The following CCDC15 variants were observed in gnomAD, a reference collection of about 807,000 sequenced individuals.
The protein encoded by CCDC15 is coiled-coil domain containing 15, also known as coiled-coil domain-containing protein 15.
CCDC15 carries 105 observed loss-of-function variants against 114.5 expected under a neutral mutation model. The observed-to-expected ratio is 0.92, with a 90% CI of 0.78 to 1.08. The LOEUF is 1.08. Ranked by LOEUF, CCDC15 falls within the 50% of genes least tolerant of loss-of-function variation. The probability of loss-of-function intolerance (pLI) is 0.00; values close to 1 mark genes in which losing one functional copy is unlikely to be tolerated. For synonymous variants in CCDC15, 334 were observed against 377.8 expected, an observed-to-expected ratio of 0.88 and a Z score of 1.34; for missense variants, 1,105 against 1,093.6, an observed-to-expected ratio of 1.01 and a Z score of -0.15.
chr11:125,027,599 T>A (rs1407707276), intron 13 of CCDC15, among the ~76,000 whole-genome samples: 1 of 151,998 alleles, frequency 6.6e-6, no homozygotes, highest in Non-Finnish European at 1.5e-5. Context: ...TGTTTTTTTT[T>A]TCATACTGAT....
intron 13 of CCDC15, among the ~76,000 whole-genome samples, chr11:125,023,993 A>G (rs899542242): frequency 6.6e-6 from 1 of 151,980 alleles, no homozygotes; most frequent in Non-Finnish European, 1.5e-5. Flanking sequence ...GCTAATAAGT[A>G]TAAGGTTTCT....
At chr11:125,018,524 C>A (rs895927713) in intron 13 of CCDC15, among the ~76,000 whole-genome samples, 1 of 151,994 alleles carries the variant, frequency 6.6e-6, no homozygotes, top group Non-Finnish European at 1.5e-5. Flanking sequence ...TAATACAGCA[C>A]GTGGTTAAGA....
At chr11:125,030,736 G>A (rs914251943) in intron 13 of CCDC15, among the ~76,000 whole-genome samples, 3 of 152,166 alleles carry the variant, frequency 2.0e-5, no homozygotes, top group African/African-American at 7.2e-5. Context: ...TTGGTGAGTG[G>A]CAGTCCATGT....
intron 13 of CCDC15, among the ~76,000 whole-genome samples, chr11:125,012,358 T>G (rs1482670104): frequency 6.6e-6 from 1 of 152,242 alleles, no homozygotes; most frequent in Non-Finnish European, 1.5e-5. Flanking sequence ...TCTGCATTTA[T>G]TCAGAAAACA....
chr11:125,003,555 C>A (rs1038385166), intron 11 of CCDC15, among the ~76,000 whole-genome samples: 8 of 151,896 alleles, frequency 5.3e-5, no homozygotes, highest in African/African-American at 1.9e-4. Context: ...CTATTCCAAG[C>A]GCACTCATGA....
intron 11 of CCDC15, among the ~76,000 whole-genome samples, chr11:125,000,996 A>G (rs1948471274): frequency 6.6e-6 from 1 of 152,184 alleles, no homozygotes; most frequent in Non-Finnish European, 1.5e-5. Flanking sequence ...CTCACAGCCA[A>G]CAGCACTGTA....
chr11:124,973,586 G>A (rs930921827), intron 4 of CCDC15, among the ~76,000 whole-genome samples: 8 of 151,884 alleles, frequency 5.3e-5, no homozygotes, highest in Middle Eastern at 3.2e-3. Context: ...AGAGTAGAGT[G>A]TTTTCATCCT....
In CCDC15 at chr11:124,975,002, T is replaced by C. The variant is rs1947949920; in HGVS notation, c.517-94T>C. 4.5e-6 allele frequency: 3 copies of C among 667,264 alleles called. No homozygotes were observed. In the East Asian group the frequency reaches 9.4e-5, roughly 21 times the overall value. 41.3% of individuals were successfully genotyped at this position (667,264 alleles called of 1,614,324 possible). ...TTGTCTTAGATCTGGCATTTTTTAA[T>C]AATAGGGACCTGTTTTCCTGTTGGA... On this transcript the variant is annotated intron_variant, in intron 4 of 15. Coordinates refer to ENST00000344762, the MANE Select transcript of CCDC15 (RefSeq NM_025004.3).
chr11:125,009,037 G>T (rs928275686), intron 13 of CCDC15, among the ~76,000 whole-genome samples: 1 of 152,020 alleles, frequency 6.6e-6, no homozygotes, highest in African/African-American at 2.4e-5. Flanking sequence ...TGACCAACGT[G>T]GAGTAACCCC....
rs756469610 is a variant in CCDC15, at chr11:124,991,482, T to A, written c.1930T>A (p.Tyr644Asn). ...KYQKVHFKEP[Y>N]SDMTDEKGRE... is the part of the protein sequence containing the mutation. ...TTAGAAAGTACACTTTAAGGAGCCATACTCTGATATGACAGATGAGAAAGG... is the reference window on the plus strand; with the variant it reads ...TTAGAAAGTACACTTTAAGGAGCCAAACTCTGATATGACAGATGAGAAAGG... The change falls in exon 9 of 16, where the codon TAC becomes AAC. Residue 644 changes from tyrosine to asparagine, a missense_variant. Physicochemically the swap from Tyr to Asn is moderately radical, Grantham distance 143. Coordinates refer to ENST00000344762, the MANE Select transcript of CCDC15 (RefSeq NM_025004.3). The A allele has an allele frequency of 1.9e-6, 3 of 1,590,520 alleles. No individual in the cohort carries two copies. Among genetic ancestry groups the A allele is most frequent in the Non-Finnish European group, 2.6e-6 (3 of 1,161,424 alleles).
intron 13 of CCDC15, among the ~76,000 whole-genome samples, chr11:125,019,948 G>A (rs529828110): frequency 5.4e-4 from 82 of 151,814 alleles, no homozygotes; most frequent in Non-Finnish European, 1.0e-3. Context: ...ATGTGGGGGG[G>A]GGCACAGTTC....
rs754851588 is a variant in CCDC15, at chr11:124,987,907, G to C, written c.1681G>C (p.Asp561His). The C allele has an allele frequency of 6.2e-7, 1 of 1,613,868 alleles. No individual in the cohort carries two copies. Among genetic ancestry groups the C allele is most frequent in the African/African-American group, 1.3e-5 (1 of 74,906 alleles). ...WNILPKCQDQ[D>H]FLPRDQGVLP... ...TATTCTACCCAAATGTCAGGACCAG[G>C]ATTTTCTACCCAGAGACCAAGGTGT... The change falls in exon 8 of 16, where the codon GAT becomes CAT. Residue 561 changes from aspartate to histidine, a missense_variant. Transcript: ENST00000344762.
intron 13 of CCDC15, among the ~76,000 whole-genome samples, chr11:125,035,194 T>G (rs999308834): frequency 7.9e-5 from 12 of 152,158 alleles, no homozygotes; most frequent in African/African-American, 1.4e-4. Flanking sequence ...CCCACTCAGA[T>G]TAAGGGTGGG....
At chr11:125,008,682 C>T (rs1382869590) in intron 13 of CCDC15, among the ~76,000 whole-genome samples, 1 of 151,950 alleles carries the variant, frequency 6.6e-6, no homozygotes, top group African/African-American at 2.4e-5. Flanking sequence ...AGTTCTTCTC[C>T]ATCAGTTGCA....
chr11:124,971,447 A>G (rs556310170), intron 4 of CCDC15, among the ~76,000 whole-genome samples: 31 of 152,342 alleles, frequency 2.0e-4, no homozygotes, highest in African/African-American at 6.7e-4. Context: ...AGTTGACAGA[A>G]GTAGGCTTCA....
chr11:124,977,405 G>A lies in CCDC15; in HGVS notation c.631-73G>A, dbSNP rs1947991270. The A allele has an allele frequency of 2.2e-6, 3 of 1,352,172 alleles. No individual in the cohort carries two copies. The Admixed American group carries it at 9.2e-5, about 41-fold the overall frequency. 83.8% of individuals were successfully genotyped at this position (1,352,172 alleles called of 1,614,324 possible). A position where few individuals can be genotyped will look rare whatever the true frequency, so the allele number is the denominator to read the frequency against. On this transcript the variant is annotated intron_variant, in intron 5 of 15. Transcript: ENST00000344762. ...CTAAGATAATTTTAGATCTTTCACA[G>A]AAACTCAACTTAGTCTCATGAATAT...
chr11:125,025,967 A>G (rs1948699107), intron 13 of CCDC15, among the ~76,000 whole-genome samples: 1 of 151,738 alleles, frequency 6.6e-6, no homozygotes, highest in Non-Finnish European at 1.5e-5. Context: ...AATATTTGGT[A>G]TAGTTTGAGT....
intron 13 of CCDC15, among the ~76,000 whole-genome samples, chr11:125,024,024 T>A (rs891059413): frequency 6.6e-6 from 1 of 151,990 alleles, no homozygotes; most frequent in African/African-American, 2.4e-5. Context: ...ATAAAAATGT[T>A]CTCAAATCAC....
intron 13 of CCDC15, among the ~76,000 whole-genome samples, chr11:125,008,774 C>T (rs991305689): frequency 6.6e-6 from 1 of 151,466 alleles, no homozygotes; most frequent in Non-Finnish European, 1.5e-5. Context: ...CTCACTGCAA[C>T]CTCCGCCTCC....
Sources: gnomAD v4.1 joint callset for allele counts (sites outside exome capture counted in the v4.1 genomes callset) on GRCh38, gnomAD v4.1.1 for gene constraint, MANE v1.5 for transcripts, NCBI Gene and HGNC (gene_info 2026-07-23, HGNC 2026-07-21) for gene names.